The following VTI1A variants were observed in gnomAD, a reference collection of about 807,000 sequenced individuals.
VTI1A encodes vesicle transport through interaction with t-SNAREs 1A.
Under a neutral mutation model 34.9 loss-of-function variants are expected in VTI1A, and 22 were observed. The observed-to-expected ratio is 0.63, with a 90% confidence interval of 0.45 to 0.90. The LOEUF (loss-of-function observed/expected upper bound fraction) is 0.90, where lower values mean the gene tolerates loss of function less well. VTI1A is among the 40% of genes least tolerant of loss of function. The pLI is 0.00. For missense variants in VTI1A, 268 were observed against 275.6 expected (o/e 0.97, Z 0.20); for synonymous variants, 87 against 97.3 (o/e 0.89, Z 0.62).
At chr10:112,488,246 A>T (rs1848707866) in intron 3 of VTI1A, among the ~76,000 whole-genome samples, 1 of 152,226 alleles carries the variant, frequency 6.6e-6, no homozygotes, top group African/African-American at 2.4e-5. Context: ...ATTTTAGAGC[A>T]GGAACTGTGA....
At chr10:112,546,660 A>G (rs898582838) in intron 5 of VTI1A, among the ~76,000 whole-genome samples, 3 of 151,256 alleles carry the variant, frequency 2.0e-5, no homozygotes, top group Non-Finnish European at 4.4e-5. Context: ...TATATTTAAC[A>G]CTACTCACAT....
At chr10:112,777,649 C>G (rs1851990399) in intron 7 of VTI1A, among the ~76,000 whole-genome samples, 1 of 152,208 alleles carries the variant, frequency 6.6e-6, no homozygotes, top group Admixed American at 6.5e-5. Flanking sequence ...TGACATTCAT[C>G]AGTCAGAGGC....
chr10:112,734,240 C>T (rs1445365675), intron 7 of VTI1A, among the ~76,000 whole-genome samples: 2 of 152,148 alleles, frequency 1.3e-5, no homozygotes, highest in Non-Finnish European at 2.9e-5. Context: ...TGTTCCTCCT[C>T]TCCCTTCATC....
the VTI1A span, among the ~76,000 whole-genome samples, chr10:112,835,097 G>A: frequency 1.1e-4 from 17 of 152,026 alleles, no homozygotes; most frequent in Non-Finnish European, 2.4e-4. Context: ...TGCGCTTCTC[G>A]ACTGACATAA....
chr10:112,518,274 T>C (rs1304389525), intron 3 of VTI1A, among the ~76,000 whole-genome samples: 4 of 152,040 alleles, frequency 2.6e-5, no homozygotes, highest in Admixed American at 2.6e-4. Context: ...ACCTTTGTGA[T>C]GACCTTGAGC....
chr10:112,711,474 A>T (rs1209877289), intron 7 of VTI1A, among the ~76,000 whole-genome samples: 1 of 152,002 alleles, frequency 6.6e-6, no homozygotes, highest in Non-Finnish European at 1.5e-5. Context: ...ACTAATAATC[A>T]CCCCGGACAT....
At chr10:112,759,465 G>A (rs766436724) in intron 7 of VTI1A, among the ~76,000 whole-genome samples, 17 of 152,118 alleles carry the variant, frequency 1.1e-4, no homozygotes, top group Non-Finnish European at 1.5e-4. Flanking sequence ...TTATTTCCCC[G>A]AGCGTATAGA....
At chr10:112,640,066 A>G (rs139182828) in intron 5 of VTI1A, among the ~76,000 whole-genome samples, 50 of 152,320 alleles carry the variant, frequency 3.3e-4, no homozygotes, top group Non-Finnish European at 4.4e-4. Context: ...GTTAAAATAG[A>G]AATATGAAAT....
chr10:112,737,650 C>A (rs1850539055), intron 7 of VTI1A: 1 of 1,051,192 alleles, frequency 9.5e-7, no homozygotes, highest in South Asian at 4.6e-5. Context: ...AGGGGTACCT[C>A]AAAAATAGAA....
intron 7 of VTI1A, among the ~76,000 whole-genome samples, chr10:112,743,968 A>G (rs1444098659): frequency 6.6e-6 from 1 of 152,172 alleles, no homozygotes; most frequent in Non-Finnish European, 1.5e-5. Flanking sequence ...AGAAATCCAC[A>G]TCAAATACTG....
intron 3 of VTI1A, among the ~76,000 whole-genome samples, chr10:112,466,099 T>C (rs1589798992): frequency 1.3e-5 from 2 of 152,138 alleles, no homozygotes; most frequent in East Asian, 3.9e-4. Context: ...ACAGAAGTCA[T>C]GTGTTGGGTG....
At chr10:112,783,895 T>C (rs542731292) in intron 7 of VTI1A, among the ~76,000 whole-genome samples, 1 of 152,278 alleles carries the variant, frequency 6.6e-6, no homozygotes, top group South Asian at 2.1e-4. Flanking sequence ...ACAAGCACAT[T>C]CCTGTCCTAC....
In VTI1A at chr10:112,776,903, C is replaced by A. The variant is rs184234991; in HGVS notation, c.561-38387C>A. On this transcript the variant is annotated intron_variant, in intron 7 of 7. Transcript: ENST00000393077. ...ATGTTGGCCAGGCTGGTCTTGAACT[C>A]CTGACCTCAGGTGATCCACCTGCCT... Among the ~76,000 whole-genome samples, 775 of 152,138 alleles carry A rather than the reference C, an allele frequency of 5.1e-3. 7 individuals are homozygous for A. The highest frequency in any genetic ancestry group is 0.018 in the African/African-American group (743 of 41,512).
chr10:112,462,618 A>G (rs772961132), intron 2 of VTI1A, among the ~76,000 whole-genome samples: 10 of 152,218 alleles, frequency 6.6e-5, no homozygotes, highest in South Asian at 2.1e-4. Context: ...TTGAGACATA[A>G]TCATTTAAAC....
chr10:112,735,046 A>T (rs1369913641), intron 7 of VTI1A, among the ~76,000 whole-genome samples: 1 of 152,236 alleles, frequency 6.6e-6, no homozygotes, highest in African/African-American at 2.4e-5. Context: ...AACAAGGACT[A>T]ACATTTAAAA....
intron 7 of VTI1A, among the ~76,000 whole-genome samples, chr10:112,761,706 G>A (rs1053619567): frequency 7.9e-5 from 12 of 151,602 alleles, no homozygotes; most frequent in African/African-American, 2.2e-4. Context: ...TGATTCTGTT[G>A]CTGTATTTAT....
intron 7 of VTI1A, among the ~76,000 whole-genome samples, chr10:112,739,260 A>G (rs1850606338): frequency 6.6e-6 from 1 of 152,114 alleles, no homozygotes; most frequent in Non-Finnish European, 1.5e-5. Flanking sequence ...GGGGGGTTGA[A>G]CTCAACTCCT....
At chr10:112,618,524 T>TATATATATAGAGAGAG (rs748276058) in intron 5 of VTI1A, among the ~76,000 whole-genome samples, 40 of 34,572 alleles carry the variant, frequency 1.2e-3, no homozygotes, top group South Asian at 3.3e-3. Context: ...TATATATATA[T>TATATATATAGAGAGAG]AGAGAGAGAG....
chr10:112,792,872 A>G (rs777624301), intron 7 of VTI1A, among the ~76,000 whole-genome samples: 13 of 152,262 alleles, frequency 8.5e-5, no homozygotes, highest in African/African-American at 1.4e-4. Flanking sequence ...CTGAGAAAGC[A>G]AAGTTACGTC....
Sources: gnomAD v4.1 joint callset for allele counts (sites outside exome capture counted in the v4.1 genomes callset) on GRCh38, gnomAD v4.1.1 for gene constraint, MANE v1.5 for transcripts, NCBI Gene and HGNC (gene_info 2026-07-23, HGNC 2026-07-21) for gene names.